SOX9: variants seen among roughly 807,000 people sequenced by gnomAD.
The protein encoded by SOX9 is transcription factor SOX-9.
SOX9 carries 2 observed loss-of-function variants against 44.8 expected under a neutral mutation model. That is an observed-to-expected ratio of 0.04 (90% CI 0.02 to 0.14). The LOEUF (loss-of-function observed/expected upper bound fraction) is 0.14. Among genes scored for constraint, SOX9 ranks in the 10% least tolerant of loss-of-function variants. SOX9 has a pLI of 1.00. For synonymous variants in SOX9, 381 were observed against 331.8 expected, an observed-to-expected ratio of 1.15 and a Z score of -1.61; for missense variants, 583 against 728.6, an observed-to-expected ratio of 0.80 and a Z score of 2.30.
rs1908231741 is a variant in SOX9, at chr17:72,124,744, C to G, written c.*357C>G. ...ATCGTGTGATCAGTGTGCTAAATCT[C>G]TCTGCCTGTTTGGACTTTGTAATTA... On this transcript the variant is annotated 3_prime_UTR_variant, in exon 3 of 3. Transcript: ENST00000245479. The surrounding 1 kb of genome is among the most constrained non-coding windows in gnomAD (Gnocchi z 4.6). 4.6e-6 allele frequency: 2 copies of G among 434,382 alleles called. No homozygotes were observed. The highest frequency in any genetic ancestry group is 2.7e-5 in the South Asian group (1 of 37,330). The allele number at this position is 434,382 out of a possible 1,614,324, so 26.9% of individuals were successfully genotyped here.
In SOX9 at chr17:72,122,933, T is replaced by A; in HGVS notation, c.646T>A (p.Ser216Thr). The A allele has an allele frequency of 6.2e-7, 1 of 1,613,970 alleles. No individual in the cohort carries two copies. Among genetic ancestry groups the A allele is most frequent in the South Asian group, 1.1e-5 (1 of 91,070 alleles). ...GCAGGCCGACTCGCCACACTCCTCCTCCGGCATGAGCGAGGTGCACTCCCC... is the reference window on the plus strand; with the variant it reads ...GCAGGCCGACTCGCCACACTCCTCCACCGGCATGAGCGAGGTGCACTCCCC... ...ALQADSPHSS[S>T]GMSEVHSPGE... is the part of the protein sequence containing the mutation. Residue 216 changes from serine to threonine, a missense_variant, in exon 2 of 3, where the codon TCC (serine) becomes ACC (threonine). By Grantham distance (58) the Ser-to-Thr change is moderately conservative. This residue lies in a region of SOX9 where 88 missense variants were observed against 65.5 expected (regional missense o/e 1.34). Transcript: ENST00000245479.
Position 72,121,583 on chromosome 17 carries a change from CGAG to C in SOX9, c.198_200del (p.Glu66del), listed in dbSNP as rs2143238208. ...GCGAGCCCGATCTGAAGAAGGAGAG[CGAG>C]GAGGACAAGTTCCCCGTGTGCATCC... On this transcript the variant is annotated inframe_deletion, in exon 1 of 3. Transcript: ENST00000245479. This position sits in a 1 kb window ranked among gnomAD's most constrained non-coding sequence, Gnocchi z 8.3. 6.2e-7 allele frequency: 1 copy of C among 1,607,380 alleles called. No homozygotes were observed. Among genetic ancestry groups the C allele is most frequent in the Non-Finnish European group, 8.5e-7 (1 of 1,177,260 alleles).
Position 72,125,906 on chromosome 17 carries a change from TGTGG to T in SOX9, c.*1523_*1526del. 8.6e-6 allele frequency: 2 copies of T among 232,472 alleles called. No homozygotes were observed. Among genetic ancestry groups the T allele is most frequent in the Admixed American group, 5.6e-5 (1 of 17,764 alleles). The allele number at this position is 232,472 out of a possible 1,614,324, so 14.4% of individuals were successfully genotyped here. A position where few individuals can be genotyped will look rare whatever the true frequency, so the allele number is the denominator to read the frequency against. On this transcript the variant is annotated 3_prime_UTR_variant, in exon 3 of 3. Transcript: ENST00000245479. ...TGGGCTGCCTTATATTGTGTGTGTG[TGTGG>T]GTGTGTGTGTGTTTTGACACAAAAA...
chr17:72,125,859 A>G lies in SOX9; in HGVS notation c.*1472A>G. On this transcript the variant is annotated 3_prime_UTR_variant, in exon 3 of 3. Coordinates refer to ENST00000245479, the MANE Select transcript of SOX9 (RefSeq NM_000346.4). Reference sequence around the variant, plus strand: ...TGTAGTGTATCACTGAGTCATTTGCAGTGTTTTCTGCCACAGACCTTTGGG... The same window carrying G: ...TGTAGTGTATCACTGAGTCATTTGCGGTGTTTTCTGCCACAGACCTTTGGG... 4.3e-6 allele frequency: 1 copy of G among 232,168 alleles called. No individual in the cohort carries two copies. The highest frequency in any genetic ancestry group is 8.5e-6 in the Non-Finnish European group (1 of 117,182). 14.4% of individuals were successfully genotyped at this position (232,168 alleles called of 1,614,324 possible). A position where few individuals can be genotyped will look rare whatever the true frequency, so the allele number is the denominator to read the frequency against.
Position 72,124,294 on chromosome 17 carries a change from C to T in SOX9, c.1437C>T (p.Pro479=), listed in dbSNP as rs555440038. 13 of 1,609,726 alleles carry T rather than the reference C, an allele frequency of 8.1e-6. No homozygotes were observed. In the South Asian group the frequency reaches 1.4e-4, roughly 18 times the overall value. ...MNPAQRPMYT[P]IADTSGVPSI... is the part of the protein sequence containing the mutation. ...CCGCTCAGCGCCCCATGTACACCCC[C>T]ATCGCCGACACCTCTGGGGTCCCTT... Residue 479 remains proline (P), a synonymous_variant, in exon 3 of 3, where the codon CCC becomes CCT. Transcript: ENST00000245479. The surrounding 1 kb of genome is among the most constrained non-coding windows in gnomAD (Gnocchi z 4.6).
rs1195117302 is a variant in SOX9, at chr17:72,125,664, T to C, written c.*1277T>C. On this transcript the variant is annotated 3_prime_UTR_variant, in exon 3 of 3. Coordinates refer to ENST00000245479, the MANE Select transcript of SOX9 (RefSeq NM_000346.4). ...TTATGTTCTTAACTGTAACCAGTTTTTTTTTATTTATCTCTTTAATCTTTT... is the reference window on the plus strand; with the variant it reads ...TTATGTTCTTAACTGTAACCAGTTTCTTTTTATTTATCTCTTTAATCTTTT... 3 of 228,454 alleles carry C rather than the reference T, an allele frequency of 1.3e-5. No individual in the cohort carries two copies. The highest frequency in any genetic ancestry group is 8.7e-6 in the Non-Finnish European group (1 of 114,940). The allele number at this position is 228,454 out of a possible 1,614,324, so 14.2% of individuals were successfully genotyped here.
rs1461497196 is a variant in SOX9, at chr17:72,125,956, CA to C, written c.*1570del. The C allele has an allele frequency of 4.3e-6, 1 of 232,428 alleles. No individual in the cohort carries two copies. The highest frequency in any genetic ancestry group is 2.2e-5 in the African/African-American group (1 of 45,216). 14.4% of individuals were successfully genotyped at this position (232,428 alleles called of 1,614,324 possible). Reference sequence around the variant, plus strand: ...AAAAACAATGCAAGCATGTGTCATCCATATTTCTCTGCATCTTCTCTTGGAG... The same window carrying C: ...AAAAACAATGCAAGCATGTGTCATCCTATTTCTCTGCATCTTCTCTTGGAG... On this transcript the variant is annotated 3_prime_UTR_variant, in exon 3 of 3. Transcript: ENST00000245479.
Position 72,124,041 on chromosome 17 carries a change from C to T in SOX9, c.1184C>T (p.Thr395Met), listed in dbSNP as rs1301255636. The T allele has an allele frequency of 3.1e-6, 5 of 1,611,014 alleles. No homozygotes were observed. The highest frequency in any genetic ancestry group is 4.2e-6 in the Non-Finnish European group (5 of 1,178,394). Residue 395 changes from threonine (T) to methionine (M), a missense_variant, in exon 3 of 3, where the codon ACG becomes ATG. Thr to Met is a moderately conservative substitution (Grantham distance 81, BLOSUM62 -1). Around this residue, in one of 7 missense-constraint regions of SOX9, gnomAD observed 349 missense variants for 387.0 expected, o/e 0.90. Transcript: ENST00000245479. The surrounding 1 kb of genome is among the most constrained non-coding windows in gnomAD (Gnocchi z 4.6). ...LSSEPGQSQR[T>M]HIKTEQLSPS... ...AGCGAGCCGGGCCAGTCCCAGCGAA[C>T]GCACATCAAGACGGAGCAGCTGAGC...
At position 72,123,533 on chromosome 17, in the gene SOX9, T is replaced by C. The variant is rs781633134; in HGVS notation, c.686-10T>C. 6.2e-7 allele frequency: 1 copy of C among 1,614,088 alleles called. No individual in the cohort carries two copies. Among genetic ancestry groups the C allele is most frequent in the South Asian group, 1.1e-5 (1 of 91,080 alleles). On this transcript the variant is annotated splice_polypyrimidine_tract_variant and intron_variant, in intron 2 of 2. Coordinates refer to ENST00000245479, the MANE Select transcript of SOX9 (RefSeq NM_000346.4). This position sits in a 1 kb window ranked among gnomAD's most constrained non-coding sequence, Gnocchi z 6.5. ...TGATTTTCTCGTGCTTGTTCTTTTA[T>C]TGTCCACAGGGCAATCCCAGGGCCC...
Position 72,121,496 on chromosome 17 carries a change from C to T in SOX9, c.105C>T (p.Cys35=), listed in dbSNP as rs1567910101. The change falls in exon 1 of 3, where the codon TGC becomes TGT. Residue 35 remains cysteine (C), a synonymous_variant. Coordinates refer to ENST00000245479, the MANE Select transcript of SOX9 (RefSeq NM_000346.4). This position sits in a 1 kb window ranked among gnomAD's most constrained non-coding sequence, Gnocchi z 8.3. ...CCGAGGACTCCGCGGGCTCGCCCTGCCCGTCGGGCTCCGGCTCGGACACCG... is the reference window on the plus strand; with the variant it reads ...CCGAGGACTCCGCGGGCTCGCCCTGTCCGTCGGGCTCCGGCTCGGACACCG... ...TMSEDSAGSP[C]PSGSGSDTEN... 2 of 1,610,698 alleles carry T rather than the reference C, an allele frequency of 1.2e-6. No individual in the cohort carries two copies. Among genetic ancestry groups the T allele is most frequent in the Non-Finnish European group, 1.7e-6 (2 of 1,179,056 alleles).
Position 72,125,690 on chromosome 17 carries a change from T to TTTA in SOX9, c.*1310_*1312dup, listed in dbSNP as rs1325356108. The TTTA allele has an allele frequency of 1.3e-5, 3 of 227,566 alleles. No individual in the cohort carries two copies. Among genetic ancestry groups the TTTA allele is most frequent in the Admixed American group, 5.7e-5 (1 of 17,562 alleles). The allele number at this position is 227,566 out of a possible 1,614,324, so 14.1% of individuals were successfully genotyped here. A position where few individuals can be genotyped will look rare whatever the true frequency, so the allele number is the denominator to read the frequency against. ...TTTTTATTTATCTCTTTAATCTTTT[T>TTTA]TTATTATTAAAAGCAAGTTTCTTTG... On this transcript the variant is annotated 3_prime_UTR_variant, in exon 3 of 3. Transcript: ENST00000245479.
rs370713128 is a variant in SOX9 at position 72,123,574 on chromosome 17, C to T, written c.717C>T (p.Thr239=). The part of the protein sequence containing the change: ...GQSQGPPTPP[T]TPKTDVQPGK... ...CCCAGGGCCCACCGACCCCACCCAC[C>T]ACCCCCAAAACCGACGTGCAGCCGG... The change falls in exon 3 of 3, where the codon ACC becomes ACT. Residue 239 remains threonine, a synonymous_variant. Coordinates refer to ENST00000245479, the MANE Select transcript of SOX9 (RefSeq NM_000346.4). The surrounding 1 kb of genome is among the most constrained non-coding windows in gnomAD (Gnocchi z 6.5). 228 of 1,613,188 alleles carry T rather than the reference C, an allele frequency of 1.4e-4. No individual in the cohort carries two copies. The highest frequency in any genetic ancestry group is 2.3e-4 in the Admixed American group (14 of 60,004).
At position 72,125,455 on chromosome 17, in the gene SOX9, T is replaced by C; in HGVS notation, c.*1068T>C. 1 of 229,356 alleles carries C rather than the reference T, an allele frequency of 4.4e-6. No individual in the cohort carries two copies. The highest frequency in any genetic ancestry group is 8.7e-6 in the Non-Finnish European group (1 of 115,604). 14.2% of individuals were successfully genotyped at this position (229,356 alleles called of 1,614,324 possible). ...GCAGATGCCTGCTCGCTCTGTCACC[T>C]GTGCCTCTCAGAACACCAGCAGTTA... On this transcript the variant is annotated 3_prime_UTR_variant, in exon 3 of 3. Transcript: ENST00000245479.
intron 1 of SOX9, 117 bp from the exon 2 acceptor site, chr17:72,122,602 G>T: frequency 3.5e-6 from 3 of 866,526 alleles, no homozygotes; most frequent in Non-Finnish European, 5.6e-6. Flanking sequence ...GGAGTTGTGT[G>T]CAGAGGAAGC....
In SOX9 at chr17:72,121,296, G is replaced by T; in HGVS notation, c.-96G>T. On this transcript the variant is annotated 5_prime_UTR_variant, in exon 1 of 3. Transcript: ENST00000245479. This position sits in a 1 kb window ranked among gnomAD's most constrained non-coding sequence, Gnocchi z 8.3. ...CCCGGGAGCCGCTTGCTCCGCATCC[G>T]GGCAGCCGAGGGGAGAGGAGCCCGC... 1 of 1,156,974 alleles carries T rather than the reference G, an allele frequency of 8.6e-7. No homozygotes were observed. Among genetic ancestry groups the T allele is most frequent in the Non-Finnish European group, 1.3e-6 (1 of 788,044 alleles). The allele number at this position is 1,156,974 out of a possible 1,614,324, so 71.7% of individuals were successfully genotyped here.
At position 72,122,639 on chromosome 17, in the gene SOX9, C is replaced by T. The variant is rs993715044; in HGVS notation, c.432-80C>T. 3.4e-6 allele frequency: 5 copies of T among 1,466,174 alleles called. No homozygotes were observed. The African/African-American group carries it at 7.0e-5, about 20-fold the overall frequency. 90.8% of individuals were successfully genotyped at this position (1,466,174 alleles called of 1,614,324 possible). A position where few individuals can be genotyped will look rare whatever the true frequency, so the allele number is the denominator to read the frequency against. The stretch of plus-strand genomic sequence containing the variant: ...GAGTGGTCTGGGTCGCCGCCTCCTC[C>T]CCGCCGACCTGACAGTTTGGCGGAT... On this transcript the variant is annotated intron_variant, in intron 1 of 2. Transcript: ENST00000245479.
Position 72,125,910 on chromosome 17 carries a change from G to GGT in SOX9, c.*1534_*1535dup, listed in dbSNP as rs1238412207. On this transcript the variant is annotated 3_prime_UTR_variant, in exon 3 of 3. Coordinates refer to ENST00000245479, the MANE Select transcript of SOX9 (RefSeq NM_000346.4). ...CTGCCTTATATTGTGTGTGTGTGTG[G>GGT]GTGTGTGTGTGTTTTGACACAAAAA... 2 of 228,322 alleles carry GGT rather than the reference G, an allele frequency of 8.8e-6. No homozygotes were observed. Among genetic ancestry groups the GGT allele is most frequent in the Admixed American group, 5.7e-5 (1 of 17,554 alleles). 14.1% of individuals were successfully genotyped at this position (228,322 alleles called of 1,614,324 possible). A position where few individuals can be genotyped will look rare whatever the true frequency, so the allele number is the denominator to read the frequency against.
rs1223146800 is a variant in SOX9, at chr17:72,123,430, C to G, written c.686-113C>G. 6.9e-7 allele frequency: 1 copy of G among 1,447,672 alleles called. No homozygotes were observed. The highest frequency in any genetic ancestry group is 9.6e-7 in the Non-Finnish European group (1 of 1,036,426). The allele number at this position is 1,447,672 out of a possible 1,614,324, so 89.7% of individuals were successfully genotyped here. A position where few individuals can be genotyped will look rare whatever the true frequency, so the allele number is the denominator to read the frequency against. On this transcript the variant is annotated intron_variant, in intron 2 of 2. Transcript: ENST00000245479. The surrounding 1 kb of genome is among the most constrained non-coding windows in gnomAD (Gnocchi z 6.5). ...GTGCAGCGCGCCTCTTGCGCGGGTG[C>G]GGGCCCTTATTACACTTTAGCAGCG... is the stretch of plus-strand genomic sequence containing the variant.
chr17:72,122,577 G>C, intron 1 of SOX9, 142 bp from the exon 2 acceptor site: 1 of 699,312 alleles, frequency 1.4e-6, no homozygotes. Flanking sequence ...TGTGGTTGCA[G>C]GCAGGAGGGA....
Sources: gnomAD v4.1 joint callset for allele counts on GRCh38, gnomAD v4.1.1 for gene constraint, gnomAD v4.1.1 regional missense constraint, Gnocchi (gnomAD v3.1) non-coding constraint, MANE v1.5 for transcripts, NCBI Gene and HGNC (gene_info 2026-07-23, HGNC 2026-07-21) for gene names.